The following KAT6B variants were observed in gnomAD, a reference collection of about 807,000 sequenced individuals.
KAT6B encodes lysine acetyltransferase 6B.
KAT6B carries 10 observed loss-of-function variants against 187.5 expected under a neutral mutation model. The ratio of observed to expected loss-of-function variants is 0.05; its 90% CI spans 0.03 to 0.09. KAT6B has a LOEUF of 0.09. Ranked by LOEUF, KAT6B falls within the 10% of genes least tolerant of loss-of-function variation. The pLI, the probability that KAT6B is intolerant of heterozygous loss-of-function variation, is 1.00. For missense variants in KAT6B, 1,952 were observed against 2,558.9 expected (o/e 0.76, Z 5.12); for synonymous variants, 861 against 926.8 (o/e 0.93, Z 1.29).
chr10:75,029,278 G>T lies in KAT6B; in HGVS notation c.4454G>T (p.Cys1485Phe), dbSNP rs757195688. Reference protein sequence around the residue: ...MDCGVDLTASCNSEPKELAGD... With the variant: ...MDCGVDLTASFNSEPKELAGD... ...TGTGGCGTCGACCTGACAGCTTCTT[G>T]TAACAGTGAGCCCAAGGAGCTTGCT... is the stretch of plus-strand genomic sequence containing the variant. Residue 1485 changes from cysteine (C) to phenylalanine (F), a missense_variant, in exon 18 of 18, where the codon TGT becomes TTT. Coordinates refer to ENST00000287239, the MANE Select transcript of KAT6B (RefSeq NM_012330.4). The surrounding 1 kb of genome is among the most constrained non-coding windows in gnomAD (Gnocchi z 6.2). 7 of 1,614,164 alleles carry T rather than the reference G, an allele frequency of 4.3e-6. No homozygotes were observed. The highest frequency in any genetic ancestry group is 3.3e-5 in the South Asian group (3 of 91,068).
At chr10:74,979,777 G>A (rs1842393256) in intron 10 of KAT6B, among the ~76,000 whole-genome samples, 1 of 152,004 alleles carries the variant, frequency 6.6e-6, no homozygotes, top group Admixed American at 6.6e-5. Context: ...TAGAAATTTA[G>A]CAAAAGAAGG....
intron 17 of KAT6B, chr10:75,025,922 G>A (rs1845796236): frequency 6.6e-6 from 1 of 152,502 alleles, no homozygotes; most frequent in African/African-American, 2.4e-5. Flanking sequence ...CACTTTTGGA[G>A]ACTGAGGCAG....
chr10:74,975,249 C>G, intron 7 of KAT6B, 150 bp from the exon 8 acceptor site: 1 of 689,990 alleles, frequency 1.4e-6, no homozygotes, highest in Non-Finnish European at 2.5e-6. Flanking sequence ...GCCTTTCCAA[C>G]AGAGAAACAT....
intron 3 of KAT6B, among the ~76,000 whole-genome samples, chr10:74,942,004 G>A (rs562617704): frequency 6.6e-6 from 1 of 152,104 alleles, no homozygotes; most frequent in Admixed American, 6.6e-5. Context: ...ACAAAAATTA[G>A]CCAGGCATGG....
chr10:74,918,609 G>C (rs571307072), intron 3 of KAT6B, among the ~76,000 whole-genome samples: 1 of 152,116 alleles, frequency 6.6e-6, no homozygotes, highest in East Asian at 1.9e-4. Context: ...CAGGTGTGGT[G>C]GTGGGCCCTT....
chr10:74,970,567 A>G (rs898803479), intron 6 of KAT6B, among the ~76,000 whole-genome samples: 2 of 152,126 alleles, frequency 1.3e-5, no homozygotes, highest in Admixed American at 1.3e-4. Flanking sequence ...CATCTGAATG[A>G]TCTTATAGCT....
chr10:75,024,854 G>A (rs1177783762), intron 16 of KAT6B, 104 bp from the exon 17 acceptor site: 10 of 1,060,852 alleles, frequency 9.4e-6, no homozygotes, highest in South Asian at 1.3e-5. Context: ...AAGTCACCAC[G>A]TGTAAGATTC....
At chr10:74,876,421 A>G (rs1232241074) in intron 3 of KAT6B, among the ~76,000 whole-genome samples, 1 of 152,020 alleles carries the variant, frequency 6.6e-6, no homozygotes, top group Non-Finnish European at 1.5e-5. Flanking sequence ...TTGTAGTACT[A>G]TTTCTAAGGC....
intron 3 of KAT6B, among the ~76,000 whole-genome samples, chr10:74,911,272 C>CTTTTTTTTTT (rs766011853): frequency 7.3e-6 from 1 of 137,668 alleles, no homozygotes. Flanking sequence ...CTTTCTTTTT[C>CTTTTTTTTTT]TTTTTTTTTT....
chr10:74,888,006 T>G (rs1294643777), intron 3 of KAT6B, among the ~76,000 whole-genome samples: 1 of 152,168 alleles, frequency 6.6e-6, no homozygotes, highest in Non-Finnish European at 1.5e-5. Context: ...GAGAACTGGC[T>G]GGTCCTTCCT....
intron 3 of KAT6B, among the ~76,000 whole-genome samples, chr10:74,890,372 C>T (rs1250264524): frequency 1.3e-5 from 2 of 152,106 alleles, no homozygotes; most frequent in East Asian, 3.9e-4. Flanking sequence ...GGTGTGGTGG[C>T]TCACACTTGT....
At chr10:74,884,800 C>G (rs1007994809) in intron 3 of KAT6B, among the ~76,000 whole-genome samples, 1 of 152,124 alleles carries the variant, frequency 6.6e-6, no homozygotes, top group African/African-American at 2.4e-5. Flanking sequence ...AATTCCTGAC[C>G]TCAAATGATC....
intron 10 of KAT6B, 55 bp from the exon 11 acceptor site, chr10:74,981,732 T>TC: frequency 2.4e-6 from 3 of 1,237,418 alleles, no homozygotes; most frequent in African/African-American, 1.5e-5. Flanking sequence ...TATTTAATCT[T>TC]CCCCCCAACA....
chr10:74,885,664 G>C (rs1845190006), intron 3 of KAT6B, among the ~76,000 whole-genome samples: 1 of 152,028 alleles, frequency 6.6e-6, no homozygotes, highest in Non-Finnish European at 1.5e-5. Flanking sequence ...ACTCAGAGGT[G>C]AGTGGGACTT....
chr10:74,945,608 C>G (rs1589679940), intron 3 of KAT6B, among the ~76,000 whole-genome samples: 1 of 152,078 alleles, frequency 6.6e-6, no homozygotes, highest in Non-Finnish European at 1.5e-5. Context: ...AGCCACCACA[C>G]CCAGCTAATT....
At chr10:74,944,086 A>C (rs74606539) in intron 3 of KAT6B, among the ~76,000 whole-genome samples, 4,899 of 152,268 alleles carry the variant, frequency 0.032, 203 homozygotes, top group East Asian at 0.17. Context: ...GGAGGGCAAC[A>C]AAGCAGCACT....
At chr10:74,868,237 T>C (rs866883291) in intron 3 of KAT6B, among the ~76,000 whole-genome samples, 1 of 152,148 alleles carries the variant, frequency 6.6e-6, no homozygotes, top group Non-Finnish European at 1.5e-5. Context: ...CAGTTTTTTG[T>C]TTGTTTATTA....
chr10:74,915,383 C>G (rs1011131934), intron 3 of KAT6B, among the ~76,000 whole-genome samples: 1 of 152,066 alleles, frequency 6.6e-6, no homozygotes, highest in African/African-American at 2.4e-5. Context: ...CAGAAGGTGC[C>G]TCATCTGTCC....
At chr10:74,961,218 A>G (rs1444448765) in intron 4 of KAT6B, among the ~76,000 whole-genome samples, 1 of 152,196 alleles carries the variant, frequency 6.6e-6, no homozygotes, top group African/African-American at 2.4e-5. Context: ...TCAGTTTAAT[A>G]CATTTCAGCC....
Sources: allele counts gnomAD v4.1 joint callset (sites outside exome capture counted in the v4.1 genomes callset), GRCh38; gene constraint gnomAD v4.1.1; non-coding constraint Gnocchi (gnomAD v3.1); transcripts MANE v1.5; gene names NCBI Gene and HGNC (gene_info 2026-07-23, HGNC 2026-07-21).